PPP2R2B: variants seen among roughly 807,000 people sequenced by gnomAD.
PPP2R2B encodes the protein protein phosphatase 2 regulatory subunit Bbeta.
Under a neutral mutation model 46.0 loss-of-function variants are expected in PPP2R2B, and 5 were observed. The ratio of observed to expected loss-of-function variants is 0.11; its 90% CI spans 0.06 to 0.23. The LOEUF (loss-of-function observed/expected upper bound fraction) is 0.23. Among genes scored for constraint, PPP2R2B ranks in the 10% least tolerant of loss-of-function variants. The pLI, the probability that PPP2R2B is intolerant of heterozygous loss-of-function variation, is 1.00. For synonymous variants in PPP2R2B, 215 were observed against 206.7 expected (o/e 1.04, Z -0.34); for missense variants, 367 against 575.0 (o/e 0.64, Z 3.70).
At chr5:146,965,876 C>T (rs1260120510) in intron 1 of PPP2R2B, among the ~76,000 whole-genome samples, 2 of 152,186 alleles carry the variant, frequency 1.3e-5, no homozygotes, top group African/African-American at 2.4e-5. Flanking sequence ...TGCATCCAGG[C>T]AAAGTGTTAC....
At chr5:146,863,720 T>C (rs1761144732) in intron 2 of PPP2R2B, among the ~76,000 whole-genome samples, 1 of 152,140 alleles carries the variant, frequency 6.6e-6, no homozygotes, top group African/African-American at 2.4e-5. Flanking sequence ...CGTATAATTT[T>C]TAAAATATTG....
chr5:146,818,151 T>A (rs566705577), intron 2 of PPP2R2B, among the ~76,000 whole-genome samples: 4 of 152,322 alleles, frequency 2.6e-5, no homozygotes, highest in African/African-American at 9.6e-5. Context: ...GGAGTTTATA[T>A]ACTCCTTTTG....
At chr5:146,672,872 T>C (rs139485879) in intron 5 of PPP2R2B, among the ~76,000 whole-genome samples, 2 of 152,366 alleles carry the variant, frequency 1.3e-5, no homozygotes, top group African/African-American at 2.4e-5. Context: ...GATATATTTA[T>C]AGGCATGTAC....
chr5:147,071,284 G>A (rs182210790), intron 2 of PPP2R2B, among the ~76,000 whole-genome samples: 168 of 152,228 alleles, frequency 1.1e-3, no homozygotes, highest in African/African-American at 3.6e-3. Flanking sequence ...CCTGCCTCAT[G>A]ACTTATTATG....
At chr5:146,749,837 A>T (rs976583764) in intron 2 of PPP2R2B, among the ~76,000 whole-genome samples, 9 of 152,002 alleles carry the variant, frequency 5.9e-5, no homozygotes, top group Non-Finnish European at 8.8e-5. Context: ...TGACCTCGTG[A>T]TCTGCCTGCC....
chr5:147,006,148 A>G (rs1298497527), intron 1 of PPP2R2B, among the ~76,000 whole-genome samples: 1 of 152,212 alleles, frequency 6.6e-6, no homozygotes, highest in African/African-American at 2.4e-5. Context: ...TCCTCCCTGG[A>G]AATTAAGGGA....
chr5:146,881,129 G>A (rs992033102), upstream of PPP2R2B, among the ~76,000 whole-genome samples: 1 of 152,096 alleles, frequency 6.6e-6, no homozygotes, highest in African/African-American at 2.4e-5. Flanking sequence ...AGACTCACTG[G>A]CCACTTCTCT....
At chr5:146,799,382 A>G (rs1371321257) in intron 2 of PPP2R2B, among the ~76,000 whole-genome samples, 1 of 152,202 alleles carries the variant, frequency 6.6e-6, no homozygotes, top group African/African-American at 2.4e-5. Context: ...TAAGAGTCCA[A>G]GGTCAGTAAA....
intron 2 of PPP2R2B, among the ~76,000 whole-genome samples, chr5:146,851,068 G>A (rs1014880756): frequency 5.9e-5 from 9 of 152,076 alleles, no homozygotes; most frequent in Middle Eastern, 3.4e-3. Context: ...TTATCATATC[G>A]AAATGAATAT....
chr5:147,071,594 C>G (rs1310908706), intron 2 of PPP2R2B, among the ~76,000 whole-genome samples: 1 of 152,174 alleles, frequency 6.6e-6, no homozygotes, highest in African/African-American at 2.4e-5. Flanking sequence ...ACTGGCTGTT[C>G]CCTCTATCTG....
At chr5:146,983,294 C>A (rs1213650221) in intron 1 of PPP2R2B, among the ~76,000 whole-genome samples, 1 of 149,026 alleles carries the variant, frequency 6.7e-6, no homozygotes, top group Non-Finnish European at 1.5e-5. Flanking sequence ...CATTCTCCTG[C>A]CTCAGCCTCC....
intron 2 of PPP2R2B, among the ~76,000 whole-genome samples, chr5:147,077,183 T>C (rs1757800465): frequency 1.4e-5 from 2 of 147,570 alleles, no homozygotes; most frequent in Non-Finnish European, 3.0e-5. Context: ...ATGTATAATA[T>C]TGTATATTAT....
intron 1 of PPP2R2B, among the ~76,000 whole-genome samples, chr5:147,012,752 T>A (rs2151879100): frequency 6.6e-6 from 1 of 151,960 alleles, no homozygotes; most frequent in South Asian, 2.1e-4. Flanking sequence ...CTGCTTTGAA[T>A]GCGTCCCAGA....
intron 2 of PPP2R2B, among the ~76,000 whole-genome samples, chr5:146,854,805 G>A (rs1760555202): frequency 1.3e-5 from 2 of 152,122 alleles, no homozygotes; most frequent in Admixed American, 1.3e-4. Flanking sequence ...GGATTTTTCA[G>A]AAACATTTGG....
chr5:146,863,970 G>A (rs1200537283), intron 2 of PPP2R2B, among the ~76,000 whole-genome samples: 1 of 152,014 alleles, frequency 6.6e-6, no homozygotes, highest in African/African-American at 2.4e-5. Context: ...AGTGGAAAAG[G>A]GCCATAGCAA....
chr5:147,000,273 C>T (rs1302147310), intron 1 of PPP2R2B, among the ~76,000 whole-genome samples: 1 of 152,144 alleles, frequency 6.6e-6, no homozygotes, highest in African/African-American at 2.4e-5. Flanking sequence ...ATGAGTGCCT[C>T]ATTCACTTGA....
At position 146,630,843 on chromosome 5, in the gene PPP2R2B, G is replaced by T. The variant is rs149217897; in HGVS notation, c.790+7408C>A. Among the ~76,000 whole-genome samples, 384 of 152,220 alleles carry T rather than the reference G, an allele frequency of 2.5e-3. 3 individuals are homozygous for T. The highest frequency in any genetic ancestry group is 9.1e-3 in the African/African-American group (379 of 41,528). On this transcript the variant is annotated intron_variant, in intron 7 of 9. Coordinates refer to ENST00000394411, the MANE Select transcript of PPP2R2B (RefSeq NM_181675.4). ...GCCAGGCATCATTCTAAGGCTCCACGGGTGTTATTTAATCCTCACAAGCAC... is the reference window on the plus strand; with the variant it reads ...GCCAGGCATCATTCTAAGGCTCCACTGGTGTTATTTAATCCTCACAAGCAC...
At chr5:146,710,460 T>C (rs1468855793) in intron 2 of PPP2R2B, among the ~76,000 whole-genome samples, 2 of 152,212 alleles carry the variant, frequency 1.3e-5, no homozygotes, top group Admixed American at 1.3e-4. Flanking sequence ...TCCTGCAACA[T>C]AGAAGCCTAG....
chr5:146,937,493 G>A (rs958385797), intron 1 of PPP2R2B, among the ~76,000 whole-genome samples: 2 of 152,104 alleles, frequency 1.3e-5, no homozygotes, highest in African/African-American at 4.8e-5. Flanking sequence ...TAAGTACTGT[G>A]GAAGAACTGT....
Sources: allele counts gnomAD v4.1 joint callset (sites outside exome capture counted in the v4.1 genomes callset), GRCh38; gene constraint gnomAD v4.1.1; transcripts MANE v1.5; gene names NCBI Gene and HGNC (gene_info 2026-07-23, HGNC 2026-07-21).